The following PAH variants were observed in gnomAD, a reference collection of about 807,000 sequenced individuals.
The protein encoded by PAH is phenylalanine-4-hydroxylase.
A neutral mutation model predicts 62.0 loss-of-function variants in PAH; 64 were observed. The ratio of observed to expected loss-of-function variants is 1.03; its 90% CI spans 0.84 to 1.27. The LOEUF is 1.27. Ranked by LOEUF, PAH falls within the 50% of genes most tolerant of loss-of-function variation. The pLI, the probability that PAH is intolerant of heterozygous loss-of-function variation, is 0.00. For synonymous variants in PAH, 195 were observed against 196.2 expected (o/e 0.99, Z 0.05); for missense variants, 579 against 542.8 (o/e 1.07, Z -0.66).
At chr12:102,885,886 C>T (rs1201630341) in intron 3 of PAH, among the ~76,000 whole-genome samples, 1 of 152,182 alleles carries the variant, frequency 6.6e-6, no homozygotes, top group Non-Finnish European at 1.5e-5. Flanking sequence ...TTTCTTGGGT[C>T]TGAAATAGAA....
At chr12:102,949,010 T>C (rs1879622673) in intron 1 of PAH, among the ~76,000 whole-genome samples, 1 of 152,072 alleles carries the variant, frequency 6.6e-6, no homozygotes, top group Non-Finnish European at 1.5e-5. Flanking sequence ...CAGTCCCAGC[T>C]GCAGTTTGCG....
intron 2 of PAH, among the ~76,000 whole-genome samples, chr12:102,906,383 A>G (rs1271328210): frequency 6.6e-6 from 1 of 152,146 alleles, no homozygotes. Context: ...ATTTTTGCAT[A>G]TTACTTACCA....
chr12:102,849,724 TG>T (rs967201722), intron 8 of PAH, among the ~76,000 whole-genome samples: 1 of 152,184 alleles, frequency 6.6e-6, no homozygotes, highest in African/African-American at 2.4e-5. Context: ...AAGACCAAAA[TG>T]GCGCCTTGTT....
At chr12:102,856,704 C>T (rs1875451323) in intron 5 of PAH, among the ~76,000 whole-genome samples, 3 of 152,228 alleles carry the variant, frequency 2.0e-5, no homozygotes, top group Admixed American at 1.3e-4. Context: ...GCCTCCGCTG[C>T]TGACACCCAG....
rs1346530476 is a variant in PAH, at chr12:102,957,037, T to TC, written c.-96+1157dup. Among the ~76,000 whole-genome samples, 1 of 152,134 alleles carries TC rather than the reference T, an allele frequency of 6.6e-6. No homozygotes were observed. The highest frequency in any genetic ancestry group is 1.5e-5 in the Non-Finnish European group (1 of 68,026). The stretch of plus-strand genomic sequence containing the variant: ...TTTTCACATAGTCCAGCACTTTTTT[T>TC]CACTGTTCTGGACGGAGTCCCTCCC... On this transcript the variant is annotated intron_variant, in intron 1 of 4. Coordinates refer to the PAH transcript ENST00000551337. This position sits in a 1 kb window ranked among gnomAD's most constrained non-coding sequence, Gnocchi z 4.1.
chr12:102,839,194 G>T lies in PAH; in HGVS notation c.1340C>A (p.Ala447Asp), dbSNP rs76542238. ...INSEIGILCS[A>D]LQKIK ...ATGGCTTTACTTTATTTTCTGGAGG[G>T]CACTGCAAAGGATTCCAATTTCACC... The change falls in exon 13 of 13, where the codon GCC becomes GAC. Residue 447 changes from alanine (A) to aspartate (D), a missense_variant. Coordinates refer to ENST00000553106, the MANE Select transcript of PAH (RefSeq NM_000277.3). 1.4e-5 allele frequency: 23 copies of T among 1,613,658 alleles called. No individual in the cohort carries two copies. Among genetic ancestry groups the T allele is most frequent in the Non-Finnish European group, 1.9e-5 (23 of 1,179,774 alleles).
intron 4 of PAH, among the ~76,000 whole-genome samples, chr12:102,870,492 T>C (rs1448339320): frequency 2.0e-5 from 3 of 152,114 alleles, no homozygotes; most frequent in Non-Finnish European, 4.4e-5. Context: ...CTGAGCACAT[T>C]GTAGTTGCTC....
At chr12:102,843,207 GGTGGCAGGGATGAGTAGAAATAA>G (rs1874665505) in intron 11 of PAH, among the ~76,000 whole-genome samples, 1 of 152,142 alleles carries the variant, frequency 6.6e-6, no homozygotes, top group South Asian at 2.1e-4. Context: ...CAGACGCACT[GGTGGCAGGGATGAGTAGAAATAA>G]GTTGGTTAGA....
In PAH at chr12:102,912,911, A is replaced by C; in HGVS notation, c.61-13T>G. 6.4e-7 allele frequency: 1 copy of C among 1,553,466 alleles called. No individual in the cohort carries two copies. The highest frequency in any genetic ancestry group is 8.9e-7 in the Non-Finnish European group (1 of 1,124,746). The stretch of plus-strand genomic sequence containing the variant: ...TATAGCTTGTTTCCTACAGGATAAG[A>C]TGCATTTGTTTAAAACATTTTCCAC... On this transcript the variant is annotated splice_polypyrimidine_tract_variant and intron_variant, in intron 1 of 12. Transcript: ENST00000553106.
chr12:102,854,549 A>G (rs149894957), intron 6 of PAH: 208 of 183,064 alleles, frequency 1.1e-3, no homozygotes, highest in Admixed American at 5.1e-3. Context: ...TGTATATGCA[A>G]GACTGTGCTG....
At chr12:102,923,439 A>G (rs1230059316) in intron 1 of PAH, 2 of 152,192 alleles carry the variant, frequency 1.3e-5, no homozygotes, top group Non-Finnish European at 2.9e-5. Context: ...CAAACTTCTC[A>G]TTAATCATAT....
chr12:102,917,400 C>T, upstream of PAH: 2 of 488,252 alleles, frequency 4.1e-6, no homozygotes, highest in South Asian at 4.1e-5. Context: ...GTGGGGGACG[C>T]AGGAGGCACC....
At chr12:102,856,483 T>C (rs1335441963) in intron 5 of PAH, among the ~76,000 whole-genome samples, 2 of 151,682 alleles carry the variant, frequency 1.3e-5, no homozygotes, top group Non-Finnish European at 2.9e-5. Context: ...TTGAAGAGAG[T>C]AGTGGTTCTC....
chr12:102,946,903 A>G (rs977147422), intron 1 of PAH: 1 of 152,140 alleles, frequency 6.6e-6, no homozygotes, highest in Non-Finnish European at 1.5e-5. Context: ...TACTTTGTAA[A>G]GATCTCTTTG....
chr12:102,859,867 A>T (rs1306442908), intron 5 of PAH, among the ~76,000 whole-genome samples: 1 of 152,232 alleles, frequency 6.6e-6, no homozygotes, highest in African/African-American at 2.4e-5. Flanking sequence ...AGCCAATATC[A>T]TACTGAATGG....
At chr12:102,950,362 A>T (rs1324127468) in intron 1 of PAH, 1 of 152,364 alleles carries the variant, frequency 6.6e-6, no homozygotes, top group East Asian at 1.9e-4. Context: ...TGCCGCGCTC[A>T]GGCTGCGGCT....
At chr12:102,934,245 ATTTG>A (rs1272744921) in intron 1 of PAH, among the ~76,000 whole-genome samples, 1 of 151,688 alleles carries the variant, frequency 6.6e-6, no homozygotes, top group Admixed American at 6.6e-5. Context: ...AGATGTATGG[ATTTG>A]TTTGTGTGTT....
intron 1 of PAH, among the ~76,000 whole-genome samples, chr12:102,956,723 G>A (rs1273154949): frequency 1.3e-5 from 2 of 152,110 alleles, no homozygotes; most frequent in African/African-American, 2.4e-5. Flanking sequence ...TTATGGGGAG[G>A]GGGTGGCGGT....
chr12:102,907,951 GC>G (rs1592986074), intron 2 of PAH, among the ~76,000 whole-genome samples: 1 of 151,932 alleles, frequency 6.6e-6, no homozygotes, highest in East Asian at 1.9e-4. Flanking sequence ...TTAACATTTT[GC>G]CAGGCTGTTA....
Sources: allele counts gnomAD v4.1 joint callset (sites outside exome capture counted in the v4.1 genomes callset), GRCh38; gene constraint gnomAD v4.1.1; non-coding constraint Gnocchi (gnomAD v3.1); transcripts MANE v1.5; gene names NCBI Gene and HGNC (gene_info 2026-07-23, HGNC 2026-07-21).